ADAMTS12: variants seen among roughly 807,000 people sequenced by gnomAD.
The protein encoded by ADAMTS12 is A disintegrin and metalloproteinase with thrombospondin motifs 12.
A neutral mutation model predicts 167.8 loss-of-function variants in ADAMTS12; 118 were observed. The ratio of observed to expected loss-of-function variants is 0.70; its 90% CI spans 0.61 to 0.82. ADAMTS12 has a LOEUF of 0.82. Among genes scored for constraint, ADAMTS12 ranks in the 40% least tolerant of loss-of-function variants. The pLI is 0.00. For missense variants in ADAMTS12, 1,916 were observed against 1,998.8 expected, an observed-to-expected ratio of 0.96 and a Z score of 0.79; for synonymous variants, 704 against 716.9, an observed-to-expected ratio of 0.98 and a Z score of 0.29.
intron 2 of ADAMTS12, among the ~76,000 whole-genome samples, chr5:33,841,266 C>T (rs1748735420): frequency 6.6e-6 from 1 of 152,126 alleles, no homozygotes; most frequent in African/African-American, 2.4e-5. Context: ...GCAGCTACTC[C>T]CTCCTTCCTT....
At chr5:33,672,531 C>G (rs1449515398) in intron 5 of ADAMTS12, among the ~76,000 whole-genome samples, 1 of 152,192 alleles carries the variant, frequency 6.6e-6, no homozygotes, top group African/African-American at 2.4e-5. Flanking sequence ...CTCACAGGGT[C>G]CCTGGCAAGG....
intron 9 of ADAMTS12, among the ~76,000 whole-genome samples, chr5:33,647,143 G>T (rs192537173): frequency 2.0e-4 from 31 of 152,292 alleles, no homozygotes; most frequent in Admixed American, 1.7e-3. Context: ...AGATTAGAGA[G>T]TGAAGGGCTA....
intron 5 of ADAMTS12, among the ~76,000 whole-genome samples, chr5:33,678,835 A>G (rs1050898676): frequency 6.6e-6 from 1 of 152,188 alleles, no homozygotes; most frequent in Non-Finnish European, 1.5e-5. Context: ...AAGAAATCCA[A>G]CTGGTTTTGA....
In ADAMTS12 at chr5:33,683,010, A is replaced by G; in HGVS notation, c.915+8T>C. The G allele has an allele frequency of 6.2e-7, 1 of 1,611,576 alleles. No individual in the cohort carries two copies. Among genetic ancestry groups the G allele is most frequent in the South Asian group, 1.1e-5 (1 of 90,520 alleles). ...ATATAGCAGAAGAGTGAAGGGAAAAAATGTTACCTCTTCTTCTTCGAGTAG... is the reference window on the plus strand; with the variant it reads ...ATATAGCAGAAGAGTGAAGGGAAAAGATGTTACCTCTTCTTCTTCGAGTAG... On this transcript the variant is annotated splice_region_variant and intron_variant, in intron 5 of 23. Transcript: ENST00000504830.
intron 19 of ADAMTS12, among the ~76,000 whole-genome samples, chr5:33,567,696 C>T (rs1746081975): frequency 6.6e-6 from 1 of 152,082 alleles, no homozygotes; most frequent in Admixed American, 6.6e-5. Flanking sequence ...GGACAATTTG[C>T]CCAGGTGAAC....
At chr5:33,881,526 TA>T in intron 1 of ADAMTS12, 46 bp from the exon 2 acceptor site, 1 of 1,561,662 alleles carries the variant, frequency 6.4e-7, no homozygotes, top group Non-Finnish European at 8.6e-7. Context: ...AGATTGGTAG[TA>T]AAGCAAAGCC....
At chr5:33,618,011 A>T (rs1002660850) in intron 14 of ADAMTS12, among the ~76,000 whole-genome samples, 12 of 152,234 alleles carry the variant, frequency 7.9e-5, no homozygotes, top group Non-Finnish European at 1.6e-4. Flanking sequence ...CCCCTACGCA[A>T]GTAAAAATAT....
chr5:33,743,336 A>G (rs1211399332), intron 3 of ADAMTS12, among the ~76,000 whole-genome samples: 5 of 152,228 alleles, frequency 3.3e-5, no homozygotes, highest in Admixed American at 3.3e-4. Context: ...AAATCTACTT[A>G]GTGGACTGGA....
At chr5:33,769,014 G>A (rs1367714249) in intron 2 of ADAMTS12, among the ~76,000 whole-genome samples, 3 of 151,882 alleles carry the variant, frequency 2.0e-5, no homozygotes, top group Admixed American at 1.3e-4. Flanking sequence ...CTTCAGATAG[G>A]GATTATCAAG....
chr5:33,662,264 A>C (rs1741285474), intron 5 of ADAMTS12, among the ~76,000 whole-genome samples: 1 of 152,206 alleles, frequency 6.6e-6, no homozygotes, highest in African/African-American at 2.4e-5. Flanking sequence ...TGAAGGGGAA[A>C]ACTCCAAGAC....
At chr5:33,555,439 G>A (rs111851188) in intron 20 of ADAMTS12, among the ~76,000 whole-genome samples, 7 of 152,082 alleles carry the variant, frequency 4.6e-5, no homozygotes, top group African/African-American at 1.7e-4. Flanking sequence ...CAGTGGAGAC[G>A]GGGTTTTGCC....
chr5:33,889,825 G>T (rs147726504), intron 1 of ADAMTS12, among the ~76,000 whole-genome samples: 4 of 152,092 alleles, frequency 2.6e-5, no homozygotes, highest in African/African-American at 9.7e-5. Context: ...GGTGGCACAC[G>T]TCTGTAATCC....
chr5:33,591,993 G>T (rs1747665765), intron 17 of ADAMTS12, among the ~76,000 whole-genome samples: 2 of 152,070 alleles, frequency 1.3e-5, no homozygotes, highest in Admixed American at 6.6e-5. Flanking sequence ...GGCTGAGGTG[G>T]GCGGATCACC....
chr5:33,568,643 G>A lies in ADAMTS12; in HGVS notation c.3972+7411C>T, dbSNP rs1217587845. Among the ~76,000 whole-genome samples the A allele has an allele frequency of 2.6e-5, 4 of 152,228 alleles. No individual in the cohort carries two copies. The East Asian group carries it at 7.7e-4, about 29-fold the overall frequency. On this transcript the variant is annotated intron_variant, in intron 19 of 23. Transcript: ENST00000504830. ...GGACCACGAAAAGGAAAAAATAAGA[G>A]ACTATGGAGTCTGCGTGAGTGACGC... is the stretch of plus-strand genomic sequence containing the variant.
intron 20 of ADAMTS12, among the ~76,000 whole-genome samples, chr5:33,555,675 G>A (rs540520801): frequency 3.5e-4 from 54 of 152,214 alleles, no homozygotes; most frequent in Non-Finnish European, 6.6e-4. Flanking sequence ...CCCAGGTGAC[G>A]GTTTCTTAGA....
intron 6 of ADAMTS12, among the ~76,000 whole-genome samples, chr5:33,659,251 G>A (rs1279096505): frequency 6.6e-6 from 1 of 152,138 alleles, no homozygotes; most frequent in Non-Finnish European, 1.5e-5. Context: ...AATAGGACAG[G>A]AAAGAGCAGG....
intron 3 of ADAMTS12, among the ~76,000 whole-genome samples, chr5:33,693,600 T>C (rs1233759534): frequency 2.0e-5 from 3 of 152,188 alleles, no homozygotes; most frequent in African/African-American, 7.2e-5. Context: ...AGAGAAGGCT[T>C]TTGATAAAAT....
chr5:33,559,886 A>C (rs1409764402), intron 20 of ADAMTS12, among the ~76,000 whole-genome samples: 1 of 152,196 alleles, frequency 6.6e-6, no homozygotes, highest in Non-Finnish European at 1.5e-5. Flanking sequence ...TCTCAAAAAA[A>C]TAAAAATAAA....
intron 3 of ADAMTS12, among the ~76,000 whole-genome samples, chr5:33,686,106 C>T: frequency 6.6e-6 from 1 of 152,220 alleles, no homozygotes. Context: ...CTGTTCTAAT[C>T]AGGAGGCTGC....
Sources: gnomAD v4.1 joint callset for allele counts (sites outside exome capture counted in the v4.1 genomes callset) on GRCh38, gnomAD v4.1.1 for gene constraint, MANE v1.5 for transcripts, NCBI Gene and HGNC (gene_info 2026-07-23, HGNC 2026-07-21) for gene names.